The following SH3RF3 variants were observed in gnomAD, a reference collection of about 807,000 sequenced individuals.
SH3RF3 encodes E3 ubiquitin-protein ligase SH3RF3.
Under a neutral mutation model 66.3 loss-of-function variants are expected in SH3RF3, and 29 were observed. The observed-to-expected ratio is 0.44, with a 90% confidence interval of 0.33 to 0.60. SH3RF3 has a LOEUF of 0.60. Among genes scored for constraint, SH3RF3 ranks in the 20% least tolerant of loss-of-function variants. The pLI, the probability that SH3RF3 is intolerant of heterozygous loss-of-function variation, is 0.04. For missense variants in SH3RF3, 1,194 were observed against 1,190.9 expected, an observed-to-expected ratio of 1.00 and a Z score of -0.04; for synonymous variants, 583 against 532.0, an observed-to-expected ratio of 1.10 and a Z score of -1.32.
intron 1 of SH3RF3, among the ~76,000 whole-genome samples, chr2:109,331,903 GC>G (rs1682295459): frequency 6.6e-6 from 1 of 152,170 alleles, no homozygotes; most frequent in Admixed American, 6.5e-5. Flanking sequence ...GCAGTCCACT[GC>G]CTCTCTGGAG....
At chr2:109,474,432 G>A (rs188618661) in intron 8 of SH3RF3, among the ~76,000 whole-genome samples, 712 of 152,302 alleles carry the variant, frequency 4.7e-3, no homozygotes, top group Non-Finnish European at 8.5e-3. Flanking sequence ...TTTCCACTGT[G>A]GATGCAGCTC....
chr2:109,253,343 C>T (rs1422180104), intron 1 of SH3RF3, among the ~76,000 whole-genome samples: 1 of 152,124 alleles, frequency 6.6e-6, no homozygotes, highest in Non-Finnish European at 1.5e-5. Context: ...GATTAAGGTG[C>T]TTTGATTAGT....
Position 109,379,637 on chromosome 2 carries a change from CCT to C in SH3RF3, c.945+7959_945+7960del, listed in dbSNP as rs1332126545. Among the ~76,000 whole-genome samples, 3 of 152,190 alleles carry C rather than the reference CCT, an allele frequency of 2.0e-5. No homozygotes were observed. The East Asian group carries it at 5.8e-4, about 29-fold the overall frequency. On this transcript the variant is annotated intron_variant, in intron 3 of 9. Transcript: ENST00000309415. ...TTTTATTTTTCTTGCTTTTCGTCAT[CCT>C]CTGTTTTTACAAGCTCCTGCCGCAG...
At chr2:109,435,064 G>T (rs1188220363) in intron 6 of SH3RF3, among the ~76,000 whole-genome samples, 1 of 152,106 alleles carries the variant, frequency 6.6e-6, no homozygotes. Flanking sequence ...CCAAAGAATG[G>T]CAGAGCCAGG....
intron 1 of SH3RF3, among the ~76,000 whole-genome samples, chr2:109,335,732 G>A (rs1031721855): frequency 1.4e-4 from 22 of 152,136 alleles, no homozygotes; most frequent in African/African-American, 5.3e-4. Context: ...CGCCAGAACC[G>A]CACCCCACAA....
At chr2:109,472,431 T>C (rs1678545364) in intron 8 of SH3RF3, among the ~76,000 whole-genome samples, 1 of 152,100 alleles carries the variant, frequency 6.6e-6, no homozygotes, top group Non-Finnish European at 1.5e-5. Flanking sequence ...CCTGCAGAGC[T>C]TGCGGGGCTT....
At chr2:109,165,990 A>G (rs1361762190) in intron 1 of SH3RF3, among the ~76,000 whole-genome samples, 1 of 151,952 alleles carries the variant, frequency 6.6e-6, no homozygotes, top group Non-Finnish European at 1.5e-5. Context: ...CTGCTATTGC[A>G]TTATTCATTT....
intron 1 of SH3RF3, among the ~76,000 whole-genome samples, chr2:109,341,754 C>T (rs1682557264): frequency 6.6e-6 from 1 of 152,160 alleles, no homozygotes; most frequent in Non-Finnish European, 1.5e-5. Context: ...AGGCAGATTT[C>T]CTTATGCATG....
intron 1 of SH3RF3, among the ~76,000 whole-genome samples, chr2:109,273,844 A>C (rs1248828885): frequency 2.0e-5 from 3 of 152,110 alleles, no homozygotes; most frequent in Non-Finnish European, 2.9e-5. Context: ...GATTGCTTAT[A>C]AAGGGGTTGC....
chr2:109,192,008 C>A (rs1468643816), intron 1 of SH3RF3, among the ~76,000 whole-genome samples: 1 of 152,190 alleles, frequency 6.6e-6, no homozygotes, highest in Non-Finnish European at 1.5e-5. Context: ...TCCACCTCAA[C>A]CCCTGCAGTC....
At chr2:109,362,258 A>G (rs578209366) in intron 2 of SH3RF3, among the ~76,000 whole-genome samples, 2 of 152,320 alleles carry the variant, frequency 1.3e-5, no homozygotes, top group South Asian at 4.1e-4. Context: ...TTGGTAAATT[A>G]CATCTTCATT....
At chr2:109,443,956 A>G (rs1677640941) in intron 7 of SH3RF3, among the ~76,000 whole-genome samples, 1 of 152,206 alleles carries the variant, frequency 6.6e-6, no homozygotes, top group African/African-American at 2.4e-5. Flanking sequence ...TCAAGTGCAC[A>G]CAGAACATTT....
At chr2:109,230,400 AACCCCATCTT>A in intron 1 of SH3RF3, among the ~76,000 whole-genome samples, 1 of 151,294 alleles carries the variant, frequency 6.6e-6, no homozygotes. Context: ...AACATGGTGA[AACCCCATCTT>A]TACTAAAAAA....
intron 4 of SH3RF3, among the ~76,000 whole-genome samples, chr2:109,410,415 GC>G (rs1346339156): frequency 6.6e-6 from 1 of 152,222 alleles, no homozygotes; most frequent in South Asian, 2.1e-4. Context: ...GGTGCGGAGG[GC>G]CCCTGCAGCT....
chr2:109,410,007 C>T (rs187055367), intron 4 of SH3RF3, among the ~76,000 whole-genome samples: 2 of 152,090 alleles, frequency 1.3e-5, no homozygotes, highest in Non-Finnish European at 2.9e-5. Flanking sequence ...GACTCGGAGC[C>T]CCCGTACAGC....
chr2:109,157,932 C>T (rs1313001277), intron 1 of SH3RF3, among the ~76,000 whole-genome samples: 2 of 152,154 alleles, frequency 1.3e-5, no homozygotes, highest in Admixed American at 6.5e-5. Flanking sequence ...TTGCAGGCCG[C>T]TAATACAAAT....
chr2:109,495,477 CTTTTTTTTTTTTTTTTTTT>C (rs569509984), intron 9 of SH3RF3, among the ~76,000 whole-genome samples: 25,843 of 95,892 alleles, frequency 0.27, 3,378 homozygotes, highest in East Asian at 0.58. Context: ...TCTTTCATTC[CTTTTTTTTTTTTTTTTTTT>C]TTTTTTTTTT....
At chr2:109,357,147 G>A (rs2105606759) in intron 2 of SH3RF3, among the ~76,000 whole-genome samples, 1 of 150,854 alleles carries the variant, frequency 6.6e-6, no homozygotes, top group South Asian at 2.1e-4. Flanking sequence ...TATGCAGCTT[G>A]ATGATTATCA....
At chr2:109,371,214 C>T (rs1683264226) in intron 2 of SH3RF3, among the ~76,000 whole-genome samples, 1 of 152,194 alleles carries the variant, frequency 6.6e-6, no homozygotes, top group Admixed American at 6.5e-5. Flanking sequence ...CATGGCAAGA[C>T]ACCATCTCTA....
Sources: gnomAD v4.1 joint callset for allele counts (sites outside exome capture counted in the v4.1 genomes callset) on GRCh38, gnomAD v4.1.1 for gene constraint, MANE v1.5 for transcripts, NCBI Gene and HGNC (gene_info 2026-07-23, HGNC 2026-07-21) for gene names.